AGBL1: variants seen among roughly 807,000 people sequenced by gnomAD.
AGBL1 encodes the protein AGBL carboxypeptidase 1, also known as cytosolic carboxypeptidase 4.
A neutral mutation model predicts 118.9 loss-of-function variants in AGBL1; 130 were observed. The observed-to-expected ratio is 1.09, with a 90% CI of 0.95 to 1.26. The LOEUF is 1.26. Among genes scored for constraint, AGBL1 ranks in the 50% most tolerant of loss-of-function variants. The probability of loss-of-function intolerance (pLI) is 0.00; values close to 1 mark genes in which losing one functional copy is unlikely to be tolerated. For missense variants in AGBL1, 1,584 were observed against 1,298.1 expected (o/e 1.22, Z -3.38); for synonymous variants, 555 against 478.9 (o/e 1.16, Z -2.08).
rs186398492 is a variant in AGBL1, at chr15:86,412,893, T to A, written c.2555+15347T>A. Among the ~76,000 whole-genome samples, 3 of 152,322 alleles carry A rather than the reference T, an allele frequency of 2.0e-5. No homozygotes were observed. In the East Asian group the frequency reaches 5.8e-4, roughly 29 times the overall value. On this transcript the variant is annotated intron_variant, in intron 18 of 22. Coordinates refer to ENST00000614907, the MANE Select transcript of AGBL1 (RefSeq NM_001386094.1). ...GTACTTTACATATATTATCTTTTAA[T>A]TCTCACACAACCCTCTGTGGTAAAT...
chr15:86,243,335 A>C (rs973982170), intron 6 of AGBL1, among the ~76,000 whole-genome samples: 1 of 152,218 alleles, frequency 6.6e-6, no homozygotes, highest in Non-Finnish European at 1.5e-5. Context: ...CTAAAGAGGC[A>C]CATGTGAACC....
chr15:86,533,764 A>G (rs1383518643), intron 19 of AGBL1, among the ~76,000 whole-genome samples: 1 of 116,708 alleles, frequency 8.6e-6, no homozygotes, highest in Non-Finnish European at 1.6e-5. Context: ...CATATACACC[A>G]TGGAATACTA....
intron 22 of AGBL1, among the ~76,000 whole-genome samples, chr15:86,743,861 A>AC (rs2077717054): frequency 6.6e-6 from 1 of 150,538 alleles, no homozygotes; most frequent in Admixed American, 6.6e-5. Flanking sequence ...CTGATCACAC[A>AC]CCCCCATCCC....
intron 21 of AGBL1, among the ~76,000 whole-genome samples, chr15:86,578,229 G>A (rs2084121623): frequency 6.6e-6 from 1 of 152,244 alleles, no homozygotes; most frequent in Non-Finnish European, 1.5e-5. Flanking sequence ...GAGACATGGA[G>A]TCAAAGGAGA....
intron 6 of AGBL1, among the ~76,000 whole-genome samples, chr15:86,233,380 CT>C (rs34651289): frequency 0.24 from 35,147 of 145,962 alleles, 4,136 homozygotes; most frequent in Middle Eastern, 0.37. Flanking sequence ...GTAGCAAAAC[CT>C]TTTTTTTTTT....
chr15:86,265,762 C>G (rs2079061977), intron 11 of AGBL1, among the ~76,000 whole-genome samples: 1 of 152,150 alleles, frequency 6.6e-6, no homozygotes, highest in African/African-American at 2.4e-5. Context: ...GCCTCATGTC[C>G]ACCTTTTCTT....
intron 24 of AGBL1, among the ~76,000 whole-genome samples, chr15:86,997,522 G>A (rs527833149): frequency 6.6e-6 from 1 of 152,052 alleles, no homozygotes; most frequent in African/African-American, 2.4e-5. Flanking sequence ...TCCCCCTTCA[G>A]ACTTTGGAAT....
intron 19 of AGBL1, among the ~76,000 whole-genome samples, chr15:86,536,547 G>A (rs2083428650): frequency 6.6e-6 from 1 of 152,172 alleles, no homozygotes; most frequent in Non-Finnish European, 1.5e-5. Flanking sequence ...TTGACCTCAT[G>A]ATCTGCCCGC....
intron 24 of AGBL1, among the ~76,000 whole-genome samples, chr15:87,023,532 TG>T (rs1210638067): frequency 6.6e-6 from 1 of 151,860 alleles, no homozygotes; most frequent in East Asian, 1.9e-4. Context: ...ACAATAATAG[TG>T]GGGGACTTTT....
intron 23 of AGBL1, among the ~76,000 whole-genome samples, chr15:86,933,509 C>A (rs552080248): frequency 6.6e-6 from 1 of 152,160 alleles, no homozygotes; most frequent in Non-Finnish European, 1.5e-5. Context: ...ATTGTAGAAC[C>A]TAAGATTGAT....
intron 23 of AGBL1, among the ~76,000 whole-genome samples, chr15:86,935,706 G>A (rs780440942): frequency 1.3e-5 from 2 of 152,294 alleles, no homozygotes; most frequent in Non-Finnish European, 2.9e-5. Context: ...CCAGTGTCAA[G>A]TCTGACTAAA....
chr15:86,100,659 C>T (rs1280153868), intron 1 of AGBL1, among the ~76,000 whole-genome samples: 1 of 152,018 alleles, frequency 6.6e-6, no homozygotes, highest in Non-Finnish European at 1.5e-5. Context: ...CATAGTTCTT[C>T]ATAATAGTCT....
chr15:86,649,347 T>C (rs977139926), intron 21 of AGBL1, among the ~76,000 whole-genome samples: 2 of 152,114 alleles, frequency 1.3e-5, no homozygotes, highest in Non-Finnish European at 2.9e-5. Context: ...GGGGAAGAAT[T>C]GTTGAAGGTT....
At chr15:86,591,930 C>A (rs1229931444) in intron 21 of AGBL1, among the ~76,000 whole-genome samples, 2 of 152,206 alleles carry the variant, frequency 1.3e-5, no homozygotes, top group Non-Finnish European at 2.9e-5. Flanking sequence ...CAATAATTAA[C>A]ATACAAAACA....
At chr15:86,264,999 T>C (rs1387302228) in intron 11 of AGBL1, among the ~76,000 whole-genome samples, 161 bp downstream of exon 11, 1 of 152,230 alleles carries the variant, frequency 6.6e-6, no homozygotes, top group African/African-American at 2.4e-5. Context: ...CAAACTTTGC[T>C]TCCTGCAAGG....
intron 17 of AGBL1, among the ~76,000 whole-genome samples, chr15:86,354,909 C>T (rs983746792): frequency 2.6e-5 from 4 of 152,122 alleles, no homozygotes; most frequent in Non-Finnish European, 5.9e-5. Context: ...ATGTGGAAGC[C>T]AGAAAGGCTA....
At chr15:86,488,749 C>G (rs1031255440) in intron 18 of AGBL1, among the ~76,000 whole-genome samples, 1 of 152,062 alleles carries the variant, frequency 6.6e-6, no homozygotes, top group Non-Finnish European at 1.5e-5. Context: ...CCCCTCTCTA[C>G]CGGGCCCTTT....
At chr15:86,498,626 A>T (rs1205640420) in intron 18 of AGBL1, among the ~76,000 whole-genome samples, 2 of 151,896 alleles carry the variant, frequency 1.3e-5, no homozygotes, top group Non-Finnish European at 2.9e-5. Flanking sequence ...TAATCCTTTT[A>T]TTGTTTAAGA....
intron 5 of AGBL1, among the ~76,000 whole-genome samples, chr15:86,215,486 CCTT>C (rs2078173295): frequency 6.6e-6 from 1 of 152,100 alleles, no homozygotes. Context: ...TCTAGGGCCA[CCTT>C]CTTCCTTCTT....
Sources: gnomAD v4.1 joint callset for allele counts (sites outside exome capture counted in the v4.1 genomes callset) on GRCh38, gnomAD v4.1.1 for gene constraint, MANE v1.5 for transcripts, NCBI Gene and HGNC (gene_info 2026-07-23, HGNC 2026-07-21) for gene names.